The following EYS variants were observed in gnomAD, a reference collection of about 807,000 sequenced individuals.
EYS encodes EGF-like photoreceptor maintenance factor.
In EYS, 250 loss-of-function variants were observed where a neutral mutation model predicts 282.1. The ratio of observed to expected loss-of-function variants is 0.89; its 90% CI spans 0.80 to 0.98. EYS has a LOEUF of 0.98. Among genes scored for constraint, EYS ranks in the 50% least tolerant of loss-of-function variants. EYS has a pLI of 0.00. For missense variants in EYS, 4,016 were observed against 3,709.0 expected (o/e 1.08, Z -2.15); for synonymous variants, 1,355 against 1,282.9 (o/e 1.06, Z -1.20).
chr6:64,782,185 A>C (rs1349112811), intron 22 of EYS, among the ~76,000 whole-genome samples: 1 of 152,242 alleles, frequency 6.6e-6, no homozygotes, highest in Non-Finnish European at 1.5e-5. Context: ...AAAATAGATT[A>C]TCATCTGTAT....
At chr6:64,216,658 A>G (rs1765937808) in intron 31 of EYS, among the ~76,000 whole-genome samples, 1 of 152,218 alleles carries the variant, frequency 6.6e-6, no homozygotes, top group African/African-American at 2.4e-5. Context: ...CACATTCTGC[A>G]AACAATGGGT....
intron 29 of EYS, among the ~76,000 whole-genome samples, chr6:64,359,371 C>A (rs889992484): frequency 1.4e-4 from 21 of 151,636 alleles, no homozygotes; most frequent in African/African-American, 5.1e-4. Context: ...ATTTGAATAG[C>A]TTTGATAAAC....
intron 12 of EYS, among the ~76,000 whole-genome samples, chr6:65,194,907 G>C (rs1291590860): frequency 2.0e-5 from 3 of 150,804 alleles, no homozygotes; most frequent in Admixed American, 1.3e-4. Context: ...AAACCTAGTT[G>C]GTTTATATTC....
chr6:64,868,541 G>A (rs9342443), intron 19 of EYS, among the ~76,000 whole-genome samples: 23,515 of 151,158 alleles, frequency 0.16, 2,155 homozygotes, highest in East Asian at 0.49. Flanking sequence ...AGACTATTAC[G>A]CAAAACATTT....
At chr6:63,798,856 A>G (rs796266025) in intron 37 of EYS, among the ~76,000 whole-genome samples, 16 of 151,734 alleles carry the variant, frequency 1.1e-4, no homozygotes, top group African/African-American at 3.6e-4. Flanking sequence ...TAGAAGATCT[A>G]CATGCTGGTG....
At chr6:65,327,263 CTTCT>C (rs1769648589) in intron 11 of EYS, among the ~76,000 whole-genome samples, 1 of 151,488 alleles carries the variant, frequency 6.6e-6, no homozygotes, top group Non-Finnish European at 1.5e-5. Context: ...GTTTTTGATC[CTTCT>C]AAGTCAAAGT....
chr6:64,436,112 T>C, intron 28 of EYS, 62 bp downstream of exon 28: 1 of 969,258 alleles, frequency 1.0e-6, no homozygotes, highest in Non-Finnish European at 1.5e-6. Flanking sequence ...ACAAGTACAA[T>C]ATTGTTAGGG....
intron 36 of EYS, among the ~76,000 whole-genome samples, chr6:63,828,822 G>A (rs931454656): frequency 5.3e-5 from 8 of 152,122 alleles, no homozygotes; most frequent in African/African-American, 1.9e-4. Flanking sequence ...TGTTTGTGTG[G>A]ATGTGGTGAA....
At chr6:65,215,210 T>C (rs1203267295) in intron 12 of EYS, among the ~76,000 whole-genome samples, 1 of 152,132 alleles carries the variant, frequency 6.6e-6, no homozygotes, top group Admixed American at 6.5e-5. Context: ...TATTGAAACA[T>C]TCTGGAAAGG....
At chr6:63,737,793 G>C (rs374820427) in intron 41 of EYS, among the ~76,000 whole-genome samples, 7 of 152,134 alleles carry the variant, frequency 4.6e-5, no homozygotes, top group African/African-American at 7.2e-5. Flanking sequence ...TCAGAGTGAA[G>C]AGGCAACCTA....
At chr6:64,581,250 G>A (rs62415820) in intron 26 of EYS, among the ~76,000 whole-genome samples, 1 of 151,932 alleles carries the variant, frequency 6.6e-6, no homozygotes, top group Non-Finnish European at 1.5e-5. Flanking sequence ...ACATTTAAGT[G>A]GTCAGCATGT....
chr6:65,224,600 G>T (rs1338272743), intron 12 of EYS, among the ~76,000 whole-genome samples: 3 of 146,718 alleles, frequency 2.0e-5, no homozygotes, highest in African/African-American at 7.3e-5. Flanking sequence ...ACGATAGAGA[G>T]AATCAACAAA....
At chr6:63,845,773 G>C (rs1273996982) in intron 36 of EYS, among the ~76,000 whole-genome samples, 1 of 152,114 alleles carries the variant, frequency 6.6e-6, no homozygotes, top group Non-Finnish European at 1.5e-5. Context: ...ATATTCTCCT[G>C]TTCCAACAGG....
chr6:65,198,249 G>C (rs1765817132), intron 12 of EYS, among the ~76,000 whole-genome samples: 1 of 152,054 alleles, frequency 6.6e-6, no homozygotes, highest in Non-Finnish European at 1.5e-5. Flanking sequence ...GCAGTAACAT[G>C]TATGGAGTTA....
At chr6:65,010,186 CT>C (rs2150132738) in intron 13 of EYS, among the ~76,000 whole-genome samples, 1 of 152,308 alleles carries the variant, frequency 6.6e-6, no homozygotes, top group South Asian at 2.1e-4. Context: ...AGCTTGCAAC[CT>C]GTGGCATACC....
intron 29 of EYS, among the ~76,000 whole-genome samples, chr6:64,352,379 C>G (rs1771672727): frequency 6.6e-6 from 1 of 151,362 alleles, no homozygotes; most frequent in Non-Finnish European, 1.5e-5. Context: ...AGAACTATAC[C>G]AGGCCCTTAA....
In EYS at chr6:64,539,563, C is replaced by T. The variant is rs369554549; in HGVS notation, c.5644+50660G>A. Among the ~76,000 whole-genome samples, 124 of 152,018 alleles carry T rather than the reference C, an allele frequency of 8.2e-4. 5 individuals are homozygous for T. The South Asian group carries it at 0.025, about 31-fold the overall frequency. On this transcript the variant is annotated intron_variant, in intron 26 of 42. Coordinates refer to ENST00000503581, the MANE Select transcript of EYS (RefSeq NM_001142800.2). Reference sequence around the variant, plus strand: ...TCCAGCTTGGGCAACTGAGTGAGACCCTGTCTTAAAGAAGCCAGAAAAACA... The same window carrying T: ...TCCAGCTTGGGCAACTGAGTGAGACTCTGTCTTAAAGAAGCCAGAAAAACA...
intron 1 of EYS, among the ~76,000 whole-genome samples, chr6:65,671,905 T>C (rs1455194943): frequency 2.6e-5 from 4 of 152,084 alleles, no homozygotes; most frequent in Non-Finnish European, 5.9e-5. Context: ...CCTATTTGAA[T>C]CTAAGTGCTG....
At chr6:65,278,306 TATATATTCTATA>T (rs1768112948) in intron 12 of EYS, among the ~76,000 whole-genome samples, 1 of 41,788 alleles carries the variant, frequency 2.4e-5, no homozygotes, top group South Asian at 1.5e-3. Context: ...TAGAAATTTA[TATATATTCTATA>T]GAAATCTATA....
Sources: gnomAD v4.1 joint callset for allele counts (sites outside exome capture counted in the v4.1 genomes callset) on GRCh38, gnomAD v4.1.1 for gene constraint, MANE v1.5 for transcripts, NCBI Gene and HGNC (gene_info 2026-07-23, HGNC 2026-07-21) for gene names.